Variants in UBAP1 observed in about 807,000 individuals in gnomAD.
UBAP1 encodes the protein ubiquitin-associated protein 1.
Under a neutral mutation model 39.0 loss-of-function variants are expected in UBAP1, and 5 were observed. That is an observed-to-expected ratio of 0.13 (90% CI 0.07 to 0.27). The LOEUF is 0.27. Ranked by LOEUF, UBAP1 falls within the 10% of genes least tolerant of loss-of-function variation. The pLI is 1.00. For missense variants in UBAP1, 490 were observed against 608.1 expected (o/e 0.81, Z 2.04); for synonymous variants, 211 against 225.1 (o/e 0.94, Z 0.56).
intron 1 of UBAP1, among the ~76,000 whole-genome samples, chr9:34,212,188 C>G (rs1243817145): frequency 6.6e-6 from 1 of 151,806 alleles, no homozygotes; most frequent in Non-Finnish European, 1.5e-5. Flanking sequence ...GCAAACATTT[C>G]TTTCAGTCTT....
intron 1 of UBAP1, among the ~76,000 whole-genome samples, chr9:34,216,706 G>A (rs1832342491): frequency 7.2e-6 from 1 of 139,030 alleles, no homozygotes; most frequent in Admixed American, 8.1e-5. Flanking sequence ...GAGTGCAGTG[G>A]CTTAATCATG....
chr9:34,181,285 A>T (rs71521221), intron 1 of UBAP1, among the ~76,000 whole-genome samples: 48,646 of 147,144 alleles, frequency 0.33, 9,643 homozygotes, highest in Non-Finnish European at 0.45. Flanking sequence ...CTAATTTTTT[A>T]AAATATTTTT....
At chr9:34,206,667 G>A (rs184055695) in intron 1 of UBAP1, among the ~76,000 whole-genome samples, 1 of 152,104 alleles carries the variant, frequency 6.6e-6, no homozygotes, top group Admixed American at 6.5e-5. Context: ...TAGAAACTTA[G>A]GTTATTTTGG....
chr9:34,187,831 A>T lies in UBAP1; in HGVS notation c.-8+8591A>T, dbSNP rs550482281. ...TAGAAGAATGTTTTTTGCTTTTTTT[A>T]AAAAAAAAAACAAAACTGTCCAGTT... On this transcript the variant is annotated intron_variant, in intron 1 of 6. Transcript: ENST00000297661. 2.5e-3 allele frequency among the ~76,000 whole-genome samples: 365 copies of T among 144,704 alleles called. 1 individual carries two copies. The highest frequency in any genetic ancestry group is 5.5e-3 in the Admixed American group (79 of 14,396). The allele number at this position is 144,704 out of a possible 152,430, so 94.9% of individuals were successfully genotyped here.
chr9:34,179,145 T>C lies in UBAP1; in HGVS notation c.-103T>C. The stretch of plus-strand genomic sequence containing the variant: ...TGGAGGTGGTGGCGTTCGCTCTCCC[T>C]AGGGGCTGTCGGGAGCTCAGCGGGG... On this transcript the variant is annotated 5_prime_UTR_variant, in exon 1 of 7. An upstream open reading frame in the 5' UTR loses its in-frame stop. Coordinates refer to ENST00000297661, the MANE Select transcript of UBAP1 (RefSeq NM_016525.5). 8.0e-7 allele frequency: 1 copy of C among 1,250,884 alleles called. No homozygotes were observed. The allele number at this position is 1,250,884 out of a possible 1,614,324, so 77.5% of individuals were successfully genotyped here.
rs186413083 is a variant in UBAP1 at position 34,221,430 on chromosome 9, G to T, written c.34+482G>T. On this transcript the variant is annotated intron_variant, in intron 2 of 6. Transcript: ENST00000297661. ...TGTAGTCCTAGCTACTCGGGAGGCTGAGGGCAGAAGAATGGCGTGAACCCG... is the reference window on the plus strand; with the variant it reads ...TGTAGTCCTAGCTACTCGGGAGGCTTAGGGCAGAAGAATGGCGTGAACCCG... Among the ~76,000 whole-genome samples, 199 of 151,926 alleles carry T rather than the reference G, an allele frequency of 1.3e-3. 1 individual carries two copies. Among genetic ancestry groups the T allele is most frequent in the African/African-American group, 4.6e-3 (189 of 41,416 alleles).
chr9:34,219,451 T>C (rs1186979425), intron 1 of UBAP1, among the ~76,000 whole-genome samples: 1 of 152,148 alleles, frequency 6.6e-6, no homozygotes. Flanking sequence ...TGTTACCATA[T>C]AACGTTCAGA....
Position 34,241,957 on chromosome 9 carries a change from G to T in UBAP1, c.932G>T (p.Ser311Ile). ...SLKPSTQSSA[S>I]ELNGHHTLGL... ...AAGCCTTCCACCCAAAGCAGTGCCAGTGAGCTCAATGGGCATCACACTCTT... is the reference window on the plus strand; with the variant it reads ...AAGCCTTCCACCCAAAGCAGTGCCATTGAGCTCAATGGGCATCACACTCTT... Residue 311 changes from serine (S) to isoleucine (I), a missense_variant, in exon 4 of 7, where the codon AGT becomes ATT. By Grantham distance (142) the Ser-to-Ile change is moderately radical. Coordinates refer to ENST00000297661, the MANE Select transcript of UBAP1 (RefSeq NM_016525.5). 10 of 1,614,174 alleles carry T rather than the reference G, an allele frequency of 6.2e-6. No homozygotes were observed. Among genetic ancestry groups the T allele is most frequent in the Non-Finnish European group, 7.6e-6 (9 of 1,180,036 alleles).
chr9:34,189,668 C>T (rs961045272), intron 1 of UBAP1, among the ~76,000 whole-genome samples: 1 of 151,810 alleles, frequency 6.6e-6, no homozygotes, highest in African/African-American at 2.4e-5. Flanking sequence ...CGGAGTTTTG[C>T]TCTTGTTGCC....
rs2131638796 is a variant in UBAP1 at position 34,250,860 on chromosome 9, C to T, written c.1368+101C>T. On this transcript the variant is annotated intron_variant, in intron 6 of 6. Coordinates refer to ENST00000297661, the MANE Select transcript of UBAP1 (RefSeq NM_016525.5). ...CCCACACACAACCTTTTTGCTTTGC[C>T]AGTGACTACAGGTACAAGTATTTGA... 4.3e-6 allele frequency: 4 copies of T among 927,750 alleles called. No homozygotes were observed. The East Asian group carries it at 1.0e-4, about 24-fold the overall frequency. 57.5% of individuals were successfully genotyped at this position (927,750 alleles called of 1,614,324 possible).
At chr9:34,188,075 C>T (rs1830504075) in intron 1 of UBAP1, among the ~76,000 whole-genome samples, 1 of 143,390 alleles carries the variant, frequency 7.0e-6, no homozygotes, top group East Asian at 2.1e-4. Context: ...GCGAGGATCA[C>T]ACTGAAATAT....
At chr9:34,243,511 A>T in intron 4 of UBAP1, among the ~76,000 whole-genome samples, 1 of 149,056 alleles carries the variant, frequency 6.7e-6, no homozygotes, top group Admixed American at 6.7e-5. Context: ...TTTGAGACAG[A>T]TTCTAATTCT....
intron 2 of UBAP1, among the ~76,000 whole-genome samples, chr9:34,226,781 A>C (rs757871029): frequency 1.5e-4 from 23 of 151,926 alleles, no homozygotes; most frequent in Non-Finnish European, 2.1e-4. Context: ...ACCTAACTTC[A>C]AGTCCCAAGT....
In UBAP1 at chr9:34,216,481, T is replaced by G. The variant is rs550131115; in HGVS notation, c.-7-4427T>G. ...CACAATATTTGTGAACTTTTATGTC[T>G]TCTTTTTTTTATTTTAAATTTTTTT... On this transcript the variant is annotated intron_variant, in intron 1 of 6. Transcript: ENST00000297661. 3.9e-4 allele frequency among the ~76,000 whole-genome samples: 59 copies of G among 152,018 alleles called. 1 individual carries two copies. Among genetic ancestry groups the G allele is most frequent in the African/African-American group, 1.3e-3 (52 of 41,470 alleles).
At position 34,223,166 on chromosome 9, in the gene UBAP1, C is replaced by T. The variant is rs562437843; in HGVS notation, c.34+2218C>T. Among the ~76,000 whole-genome samples the T allele has an allele frequency of 1.5e-4, 23 of 152,286 alleles. No individual in the cohort carries two copies. The South Asian group carries it at 4.6e-3, about 30-fold the overall frequency. On this transcript the variant is annotated intron_variant, in intron 2 of 6. Coordinates refer to ENST00000297661, the MANE Select transcript of UBAP1 (RefSeq NM_016525.5). ...CCTAACCAGGCTGGGCATGGTGGCT[C>T]ACGCCTGTAATCCCAGCACTTTGGG...
intron 2 of UBAP1, among the ~76,000 whole-genome samples, chr9:34,225,577 A>G (rs551611263): frequency 6.6e-6 from 1 of 152,054 alleles, no homozygotes; most frequent in East Asian, 1.9e-4. Flanking sequence ...GGAGATCCAG[A>G]CCATCCTGGC....
intron 1 of UBAP1, among the ~76,000 whole-genome samples, chr9:34,207,290 C>T (rs891005278): frequency 6.6e-6 from 1 of 151,142 alleles, no homozygotes; most frequent in African/African-American, 2.4e-5. Context: ...AGGTGATCTA[C>T]CCACCTCAGC....
intron 1 of UBAP1, among the ~76,000 whole-genome samples, chr9:34,181,138 C>CA (rs1405383329): frequency 1.1e-4 from 1 of 9,490 alleles, no homozygotes; most frequent in Non-Finnish European, 3.4e-4. Flanking sequence ...TTTTTTGAGA[C>CA]AGAGTTTCGC....
intron 2 of UBAP1, among the ~76,000 whole-genome samples, chr9:34,226,252 T>C (rs954157185): frequency 2.1e-5 from 3 of 143,872 alleles, no homozygotes; most frequent in African/African-American, 7.8e-5. Context: ...TTTTTTGAGA[T>C]GGAGTCCCGC....
Sources: gnomAD v4.1 joint callset for allele counts (sites outside exome capture counted in the v4.1 genomes callset) on GRCh38, gnomAD v4.1.1 for gene constraint, MANE v1.5 for transcripts, NCBI Gene and HGNC (gene_info 2026-07-23, HGNC 2026-07-21) for gene names.